C9orf85: variants seen among roughly 807,000 people sequenced by gnomAD.
C9orf85 encodes uncharacterized protein C9orf85.
In C9orf85, 16 loss-of-function variants were observed where a neutral mutation model predicts 14.9. That is an observed-to-expected ratio of 1.08 (90% CI 0.73 to 1.63). C9orf85 has a LOEUF of 1.63. Ranked by LOEUF, C9orf85 falls within the 40% of genes most tolerant of loss-of-function variation. The pLI is 0.00. For synonymous variants in C9orf85, 45 were observed against 56.8 expected (o/e 0.79, Z 0.93); for missense variants, 172 against 186.1 (o/e 0.92, Z 0.44).
intron 1 of C9orf85, among the ~76,000 whole-genome samples, chr9:71,922,788 C>G (rs1418342393): frequency 6.6e-6 from 1 of 152,224 alleles, no homozygotes; most frequent in South Asian, 2.1e-4. Flanking sequence ...CCCTCATGGT[C>G]AGACCACAGA....
At chr9:71,948,809 C>CCA (rs1483470944) in intron 2 of C9orf85, among the ~76,000 whole-genome samples, 3 of 126,264 alleles carry the variant, frequency 2.4e-5, no homozygotes, top group African/African-American at 9.2e-5. Context: ...CAGGCGTGAG[C>CCA]CACGCCCCCC....
intron 2 of C9orf85, among the ~76,000 whole-genome samples, chr9:71,963,776 C>G (rs1282139169): frequency 6.6e-6 from 1 of 152,204 alleles, no homozygotes; most frequent in Non-Finnish European, 1.5e-5. Flanking sequence ...TGCCTTCCTG[C>G]GGGGCAGAGC....
rs765016483 is a variant in C9orf85, at chr9:71,912,015, ATGT to A, written c.102+183_102+185del. 5 of 670,614 alleles carry A rather than the reference ATGT, an allele frequency of 7.5e-6. No homozygotes were observed. The South Asian group carries it at 7.5e-5, about 10-fold the overall frequency. The allele number at this position is 670,614 out of a possible 1,614,324, so 41.5% of individuals were successfully genotyped here. A position where few individuals can be genotyped will look rare whatever the true frequency, so the allele number is the denominator to read the frequency against. On this transcript the variant is annotated intron_variant, in intron 1 of 3. Transcript: ENST00000334731. Reference sequence around the variant, plus strand: ...CTCACGCCCTTTCTTTGACCTGGACATGTTGTCTCCTGGTAAATATTTGATGGT... The same window carrying A: ...CTCACGCCCTTTCTTTGACCTGGACATGTCTCCTGGTAAATATTTGATGGT...
chr9:71,983,914 T>A (rs1186372004), downstream of C9orf85: 2 of 152,174 alleles, frequency 1.3e-5, no homozygotes, highest in African/African-American at 4.8e-5. Context: ...TGTACTTGTG[T>A]CTCTGTATGT....
chr9:71,979,756 TCA>T (rs1823062407), intron 3 of C9orf85, among the ~76,000 whole-genome samples: 2 of 152,128 alleles, frequency 1.3e-5, no homozygotes, highest in Admixed American at 1.3e-4. Flanking sequence ...ATAATTGATA[TCA>T]CACACACACC....
chr9:71,939,982 A>G (rs958277612), intron 1 of C9orf85, among the ~76,000 whole-genome samples: 6 of 152,228 alleles, frequency 3.9e-5, no homozygotes, highest in Non-Finnish European at 7.3e-5. Context: ...GAACTTGCAG[A>G]AGAAAACAGA....
chr9:71,980,787 T>C (rs906421313), intron 3 of C9orf85, among the ~76,000 whole-genome samples: 1 of 152,214 alleles, frequency 6.6e-6, no homozygotes, highest in Non-Finnish European at 1.5e-5. Context: ...TTCTCCTATG[T>C]TTCTCGTCTC....
chr9:71,942,488 A>T (rs1348911411), intron 1 of C9orf85, among the ~76,000 whole-genome samples: 1 of 152,010 alleles, frequency 6.6e-6, no homozygotes, highest in Admixed American at 6.6e-5. Flanking sequence ...TCCTGCCCTT[A>T]CTTTTCTCTC....
intron 1 of C9orf85, among the ~76,000 whole-genome samples, chr9:71,928,367 T>C (rs536492722): frequency 9.9e-5 from 15 of 152,180 alleles, no homozygotes; most frequent in Non-Finnish European, 1.8e-4. Flanking sequence ...TAAGAATATA[T>C]TGCTTGCTGT....
At chr9:71,944,630 T>C (rs1822034108) in intron 1 of C9orf85, among the ~76,000 whole-genome samples, 1 of 152,112 alleles carries the variant, frequency 6.6e-6, no homozygotes, top group Non-Finnish European at 1.5e-5. Context: ...TAGATTGTCA[T>C]TTCCTTCCCC....
chr9:71,918,396 T>C lies in C9orf85; in HGVS notation c.102+6560T>C, dbSNP rs546851910. The C allele has an allele frequency of 2.8e-5, 36 of 1,277,252 alleles. No individual in the cohort carries two copies. The East Asian group carries it at 7.3e-4, about 26-fold the overall frequency. 79.1% of individuals were successfully genotyped at this position (1,277,252 alleles called of 1,614,324 possible). On this transcript the variant is annotated intron_variant, in intron 1 of 3. Transcript: ENST00000334731. ...TAACCACAAGTCACAATAATTCTAA[T>C]TGTCTTTTCATCTTTACCTTTTTGT...
intron 1 of C9orf85, among the ~76,000 whole-genome samples, chr9:71,917,326 G>A (rs1827675001): frequency 6.6e-6 from 1 of 152,202 alleles, no homozygotes; most frequent in South Asian, 2.1e-4. Context: ...CATGTGGGCT[G>A]GTTGGGGTGG....
intron 2 of C9orf85, 111 bp from the exon 3 acceptor site, chr9:71,971,394 C>A (rs932798662): frequency 7.7e-6 from 4 of 518,252 alleles, no homozygotes; most frequent in Middle Eastern, 1.1e-3. Context: ...AAATTGAAAC[C>A]TAGGAATTTT....
At chr9:71,944,161 G>C (rs1210688994) in intron 1 of C9orf85, among the ~76,000 whole-genome samples, 1 of 151,556 alleles carries the variant, frequency 6.6e-6, no homozygotes, top group Non-Finnish European at 1.5e-5. Flanking sequence ...ATGAACCCAG[G>C]AGGCAGAGGT....
intron 2 of C9orf85, among the ~76,000 whole-genome samples, chr9:71,963,864 C>A (rs1319209538): frequency 1.3e-5 from 2 of 152,182 alleles, no homozygotes; most frequent in African/African-American, 2.4e-5. Context: ...CCCCTACCAG[C>A]GCCACCCCCT....
chr9:71,936,955 C>G (rs1828206084), intron 1 of C9orf85, among the ~76,000 whole-genome samples: 1 of 151,842 alleles, frequency 6.6e-6, no homozygotes, highest in South Asian at 2.1e-4. Context: ...AACGGGATCT[C>G]CCTGTGTTGC....
At chr9:71,914,667 C>G (rs1347965582) in intron 1 of C9orf85, among the ~76,000 whole-genome samples, 1 of 152,140 alleles carries the variant, frequency 6.6e-6, no homozygotes, top group African/African-American at 2.4e-5. Flanking sequence ...TGAATATACT[C>G]TAGAAAAGGA....
At chr9:71,958,103 A>G (rs886880164) in intron 2 of C9orf85, among the ~76,000 whole-genome samples, 2 of 151,902 alleles carry the variant, frequency 1.3e-5, no homozygotes, top group South Asian at 2.1e-4. Flanking sequence ...TTATTGCTGG[A>G]ATTCTTCAGA....
chr9:71,948,670 T>C (rs1238654687), intron 2 of C9orf85, among the ~76,000 whole-genome samples: 2 of 152,120 alleles, frequency 1.3e-5, no homozygotes, highest in African/African-American at 4.8e-5. Context: ...TACAGGTACA[T>C]ACCACCATGC....
Sources: allele counts gnomAD v4.1 joint callset (sites outside exome capture counted in the v4.1 genomes callset), GRCh38; gene constraint gnomAD v4.1.1; transcripts MANE v1.5; gene names NCBI Gene and HGNC (gene_info 2026-07-23, HGNC 2026-07-21).